GRIK2: variants seen among roughly 807,000 people sequenced by gnomAD.
GRIK2 encodes the protein glutamate receptor ionotropic, kainate 2.
A neutral mutation model predicts 100.3 loss-of-function variants in GRIK2; 32 were observed. The ratio of observed to expected loss-of-function variants is 0.32; its 90% CI spans 0.24 to 0.43. The LOEUF is 0.43. GRIK2 is among the 20% of genes least tolerant of loss of function. The probability of loss-of-function intolerance (pLI) is 1.00; values close to 1 mark genes in which losing one functional copy is unlikely to be tolerated. For synonymous variants in GRIK2, 417 were observed against 389.4 expected, an observed-to-expected ratio of 1.07 and a Z score of -0.83; for missense variants, 843 against 1,114.9, an observed-to-expected ratio of 0.76 and a Z score of 3.47.
At chr6:101,524,607 G>A (rs1030347671) in intron 2 of GRIK2, among the ~76,000 whole-genome samples, 4 of 152,004 alleles carry the variant, frequency 2.6e-5, no homozygotes, top group African/African-American at 9.7e-5. Flanking sequence ...ATAGTAGACA[G>A]TAAGTAGACT....
intron 15 of GRIK2, among the ~76,000 whole-genome samples, chr6:102,044,437 C>T (rs749194171): frequency 3.9e-5 from 6 of 152,016 alleles, no homozygotes; most frequent in Non-Finnish European, 8.8e-5. Context: ...TTTAATTGGA[C>T]TTACATTTCC....
At chr6:101,799,942 C>T (rs970227024) in intron 8 of GRIK2, 151 bp downstream of exon 8, 3 of 621,402 alleles carry the variant, frequency 4.8e-6, no homozygotes, top group African/African-American at 1.8e-5. Context: ...AACATTTTTA[C>T]TAAATAATAC....
chr6:101,533,772 C>T (rs570797117), intron 2 of GRIK2, among the ~76,000 whole-genome samples: 13 of 151,968 alleles, frequency 8.6e-5, no homozygotes, highest in East Asian at 1.9e-4. Flanking sequence ...TTTTACTATG[C>T]GACAGCCATT....
chr6:101,569,357 A>C (rs974079451), intron 2 of GRIK2, among the ~76,000 whole-genome samples: 6 of 152,006 alleles, frequency 3.9e-5, no homozygotes, highest in Non-Finnish European at 5.9e-5. Flanking sequence ...TAAAGCTTTT[A>C]AAAGTAATTA....
chr6:101,908,437 G>A lies in GRIK2; in HGVS notation c.1749-16164G>A, dbSNP rs368433833. On this transcript the variant is annotated intron_variant, in intron 12 of 16. Transcript: ENST00000369134. ...TTATATCTAAGCTAACTTGAAGGAG[G>A]AAAGATTTTTGTTGTAGTCAATTTA... Among the ~76,000 whole-genome samples, 8 of 125,890 alleles carry A rather than the reference G, an allele frequency of 6.4e-5. No homozygotes were observed. The South Asian group carries it at 8.1e-4, about 13-fold the overall frequency. 82.6% of individuals were successfully genotyped at this position (125,890 alleles called of 152,430 possible).
At chr6:101,404,776 T>C (rs777606846) in intron 2 of GRIK2, among the ~76,000 whole-genome samples, 1 of 152,180 alleles carries the variant, frequency 6.6e-6, no homozygotes, top group African/African-American at 2.4e-5. Flanking sequence ...GTTATCAAAG[T>C]GTTAGAAGTG....
chr6:101,647,435 A>G (rs1031991109), intron 4 of GRIK2, among the ~76,000 whole-genome samples: 1 of 152,000 alleles, frequency 6.6e-6, no homozygotes, highest in Admixed American at 6.6e-5. Flanking sequence ...CCACTTTTGC[A>G]CTGTATGCAT....
At chr6:101,971,180 T>C (rs1425961097) in intron 14 of GRIK2, among the ~76,000 whole-genome samples, 1 of 144,456 alleles carries the variant, frequency 6.9e-6, no homozygotes, top group South Asian at 2.1e-4. Flanking sequence ...TTCACATCTG[T>C]AAACATTCTT....
intron 10 of GRIK2, among the ~76,000 whole-genome samples, chr6:101,819,295 G>A (rs1781811784): frequency 6.6e-6 from 1 of 152,228 alleles, no homozygotes; most frequent in African/African-American, 2.4e-5. Context: ...AAACTACCAT[G>A]AACATTTAGC....
intron 7 of GRIK2, among the ~76,000 whole-genome samples, chr6:101,726,866 C>T (rs1477591916): frequency 2.0e-5 from 3 of 151,952 alleles, no homozygotes; most frequent in African/African-American, 7.2e-5. Flanking sequence ...AACATCTCCA[C>T]AACATAGGAA....
intron 14 of GRIK2, among the ~76,000 whole-genome samples, chr6:101,949,183 T>C (rs963128244): frequency 4.6e-5 from 7 of 151,540 alleles, no homozygotes; most frequent in Non-Finnish European, 1.5e-5. Context: ...TTTGTTGTTG[T>C]TGTTGTGTTT....
At chr6:101,465,412 T>A (rs1771588930) in intron 2 of GRIK2, among the ~76,000 whole-genome samples, 1 of 152,202 alleles carries the variant, frequency 6.6e-6, no homozygotes, top group Non-Finnish European at 1.5e-5. Flanking sequence ...GATAATGGCC[T>A]CCAGTCCCAT....
At chr6:101,673,543 T>G (rs1474523982) in intron 4 of GRIK2, among the ~76,000 whole-genome samples, 1 of 152,176 alleles carries the variant, frequency 6.6e-6, no homozygotes, top group African/African-American at 2.4e-5. Flanking sequence ...CTTCTTTGCT[T>G]CATAAGATTC....
At chr6:101,893,019 T>C (rs1194402850) in intron 12 of GRIK2, among the ~76,000 whole-genome samples, 2 of 151,310 alleles carry the variant, frequency 1.3e-5, no homozygotes, top group African/African-American at 4.8e-5. Flanking sequence ...GTTTGTGACA[T>C]GCAAAGGCAA....
intron 14 of GRIK2, among the ~76,000 whole-genome samples, chr6:101,985,166 C>A (rs17062735): frequency 0.018 from 2,676 of 151,700 alleles, 96 homozygotes; most frequent in African/African-American, 0.062. Flanking sequence ...TCATACCATT[C>A]CCTCAAGGAT....
chr6:101,759,859 A>ATTTTTTAT (rs1777380641), intron 7 of GRIK2, among the ~76,000 whole-genome samples: 47 of 139,748 alleles, frequency 3.4e-4, no homozygotes, highest in East Asian at 6.9e-4. Context: ...TATTTTTTTT[A>ATTTTTTAT]TTTTTTTATT....
chr6:101,993,986 G>GTATATACATTACATACAATA (rs1794520334), intron 14 of GRIK2: 1 of 143,824 alleles, frequency 7.0e-6, no homozygotes, highest in Non-Finnish European at 1.5e-5. Context: ...TACATACAAT[G>GTATATACATTACATACAATA]TATATACATA....
intron 2 of GRIK2, among the ~76,000 whole-genome samples, chr6:101,578,006 G>C (rs1215830483): frequency 6.6e-6 from 1 of 152,118 alleles, no homozygotes; most frequent in Non-Finnish European, 1.5e-5. Context: ...CATCCATGCA[G>C]TGTGATGGAT....
At chr6:101,847,916 G>T (rs992808637) in intron 10 of GRIK2, among the ~76,000 whole-genome samples, 10 of 152,040 alleles carry the variant, frequency 6.6e-5, no homozygotes, top group Non-Finnish European at 1.2e-4. Flanking sequence ...TACCCACCAG[G>T]TGGCAGGTAA....
Sources: allele counts gnomAD v4.1 joint callset (sites outside exome capture counted in the v4.1 genomes callset), GRCh38; gene constraint gnomAD v4.1.1; transcripts MANE v1.5; gene names NCBI Gene and HGNC (gene_info 2026-07-23, HGNC 2026-07-21).